Variants in CCDC88C observed in about 807,000 individuals in gnomAD.
The protein encoded by CCDC88C is protein Daple.
Under a neutral mutation model 198.8 loss-of-function variants are expected in CCDC88C, and 131 were observed. That is an observed-to-expected ratio of 0.66 (90% CI 0.57 to 0.76). The LOEUF is 0.76. Among genes scored for constraint, CCDC88C ranks in the 30% least tolerant of loss-of-function variants. The pLI is 0.00. For synonymous variants in CCDC88C, 1,166 were observed against 1,114.7 expected (o/e 1.05, Z -0.92); for missense variants, 2,553 against 2,631.6 (o/e 0.97, Z 0.65).
rs1260270095 is a variant in CCDC88C, at chr14:91,371,471, CCGGTGGCAGGAGTACAGAGGCCGG to C, written c.271-11784_271-11761del. Among the ~76,000 whole-genome samples, 5 of 152,010 alleles carry C rather than the reference CCGGTGGCAGGAGTACAGAGGCCGG, an allele frequency of 3.3e-5. No individual in the cohort carries two copies. The highest frequency in any genetic ancestry group is 7.2e-5 in the African/African-American group (3 of 41,380). On this transcript the variant is annotated intron_variant, in intron 3 of 29. Transcript: ENST00000389857. This position sits in a 1 kb window ranked among gnomAD's most constrained non-coding sequence, Gnocchi z 4.2. ...GTCCAGGCCCAGCCAACCTCACCCG[CCGGTGGCAGGAGTACAGAGGCCGG>C]CGGTGGCAGGAGTACAGCACAGACC...
chr14:91,341,218 G>C (rs1209062940), intron 6 of CCDC88C, among the ~76,000 whole-genome samples: 1 of 152,158 alleles, frequency 6.6e-6, no homozygotes, highest in Non-Finnish European at 1.5e-5. Flanking sequence ...TTGAGAGGCC[G>C]GTTCTAGGCC....
chr14:91,338,810 T>C lies in CCDC88C; in HGVS notation c.810-240A>G. On this transcript the variant is annotated intron_variant, in intron 8 of 29. Coordinates refer to ENST00000389857, the MANE Select transcript of CCDC88C (RefSeq NM_001080414.4). The surrounding 1 kb of genome is among the most constrained non-coding windows in gnomAD (Gnocchi z 4.8). ...CATCCGCCACTCAGGTCTCCCTCCC[T>C]GTGTGTGGGGCAGGTAAGGAGACCC... 1 of 533,434 alleles carries C rather than the reference T, an allele frequency of 1.9e-6. No homozygotes were observed. The allele number at this position is 533,434 out of a possible 1,614,324, so 33.0% of individuals were successfully genotyped here.
rs781444214 is a variant in CCDC88C, at chr14:91,352,785, C to T, written c.340+6857G>A. The stretch of plus-strand genomic sequence containing the variant: ...GCCGACCCTCAGCCTCCACACCACA[C>T]GGTGAGCAGGCATGGAGCCAGGGGC... On this transcript the variant is annotated intron_variant, in intron 4 of 29. Coordinates refer to ENST00000389857, the MANE Select transcript of CCDC88C (RefSeq NM_001080414.4). The surrounding 1 kb of genome is among the most constrained non-coding windows in gnomAD (Gnocchi z 4.2). Among the ~76,000 whole-genome samples, 12 of 152,182 alleles carry T rather than the reference C, an allele frequency of 7.9e-5. No individual in the cohort carries two copies. Among genetic ancestry groups the T allele is most frequent in the Non-Finnish European group, 7.4e-5 (5 of 68,024 alleles).
Position 91,338,526 on chromosome 14 carries a change from T to A in CCDC88C, c.854A>T (p.Asp285Val), listed in dbSNP as rs1893158331. 1 of 1,572,436 alleles carries A rather than the reference T, an allele frequency of 6.4e-7. No homozygotes were observed. Residue 285 changes from aspartate to valine, a missense_variant, in exon 9 of 30, where the codon GAC (aspartate) becomes GTC (valine). Coordinates refer to ENST00000389857, the MANE Select transcript of CCDC88C (RefSeq NM_001080414.4). The surrounding 1 kb of genome is among the most constrained non-coding windows in gnomAD (Gnocchi z 4.8). ...TTTCTGCAGTTCCAGCACCAGCTGG[T>A]CCACCTCATGTCTGGTGTCCACAAG... is the stretch of plus-strand genomic sequence containing the variant. ...EQLVDTRHEVDQLVLELQKVK... is the reference protein window; with the variant it reads ...EQLVDTRHEVVQLVLELQKVK...
chr14:91,317,390 A>G (rs1892147369), intron 13 of CCDC88C, among the ~76,000 whole-genome samples: 1 of 152,174 alleles, frequency 6.6e-6, no homozygotes, highest in Non-Finnish European at 1.5e-5. Flanking sequence ...TGCCAGCTGG[A>G]TGGCTGAGGT....
At chr14:91,315,152 T>C (rs1019511303) in intron 14 of CCDC88C, among the ~76,000 whole-genome samples, 3 of 152,042 alleles carry the variant, frequency 2.0e-5, no homozygotes, top group Non-Finnish European at 4.4e-5. Context: ...ACCTTAGGGA[T>C]GTGCAGCAGC....
At chr14:91,380,372 T>C (rs1817290632) in intron 3 of CCDC88C, among the ~76,000 whole-genome samples, 1 of 152,162 alleles carries the variant, frequency 6.6e-6, no homozygotes, top group Non-Finnish European at 1.5e-5. Context: ...CATCTCTCAA[T>C]AGGTAAATCA....
chr14:91,313,754 C>T lies in CCDC88C; in HGVS notation c.2062G>A (p.Val688Met), dbSNP rs375082540. ...TCCAGGCCCTCAAGCTGCAGGGACA[C>T]GTTCTGCAAGGTGTCCAGAGACTTC... Reference protein sequence around the residue: ...LRKSLDTLQNVSLQLEGLERD... With the variant: ...LRKSLDTLQNMSLQLEGLERD... The change falls in exon 15 of 30, where the codon GTG becomes ATG. Residue 688 changes from valine to methionine, a missense_variant. By Grantham distance (21) the Val-to-Met change is conservative (BLOSUM62 1). Transcript: ENST00000389857. This position sits in a 1 kb window ranked among gnomAD's most constrained non-coding sequence, Gnocchi z 5.2. 287 of 1,608,146 alleles carry T rather than the reference C, an allele frequency of 1.8e-4. No individual in the cohort carries two copies. The highest frequency in any genetic ancestry group is 2.3e-4 in the Non-Finnish European group (270 of 1,179,748).
At chr14:91,292,263 G>T (rs974721344) in intron 23 of CCDC88C, among the ~76,000 whole-genome samples, 1 of 152,194 alleles carries the variant, frequency 6.6e-6, no homozygotes, top group African/African-American at 2.4e-5. Flanking sequence ...CATGGCTGGG[G>T]TTGGCCCCAC....
intron 13 of CCDC88C, among the ~76,000 whole-genome samples, chr14:91,318,090 G>A (rs2139814718): frequency 6.6e-6 from 1 of 152,342 alleles, no homozygotes; most frequent in Non-Finnish European, 1.5e-5. Flanking sequence ...CACTTATGAA[G>A]ACATTTCCCG....
intron 3 of CCDC88C, among the ~76,000 whole-genome samples, chr14:91,404,526 C>T (rs1410929587): frequency 3.3e-5 from 5 of 152,194 alleles, no homozygotes; most frequent in Non-Finnish European, 7.3e-5. Flanking sequence ...AACTTACATG[C>T]AGGCCCAACA....
rs1970911 is a variant in CCDC88C, at chr14:91,307,150, G to A, written c.3083C>T (p.Ala1028Val). Residue 1028 changes from alanine to valine, a missense_variant, in exon 18 of 30, where the codon GCG (alanine) becomes GTG (valine). Ala to Val is a moderately conservative substitution (Grantham distance 64). Coordinates refer to ENST00000389857, the MANE Select transcript of CCDC88C (RefSeq NM_001080414.4). ...CTGGTGACTGGCGGCTGTCTTCCCC[G>A]CAGGGTGCTTGAAAGAGTTCTGCAA... ...QHLQNSFKHP[A>V]GKTAASHQGK... The A allele has an allele frequency of 0.14, 223,612 of 1,613,634 alleles. 16,496 individuals carry two copies. Among genetic ancestry groups the A allele is most frequent in the East Asian group, 0.24 (10,631 of 44,854 alleles).
intron 3 of CCDC88C, among the ~76,000 whole-genome samples, chr14:91,388,667 A>C (rs755102): frequency 0.3 from 46,271 of 152,120 alleles, 7,415 homozygotes; most frequent in East Asian, 0.37. Flanking sequence ...CGCAAAACAG[A>C]GAATGACTTA....
chr14:91,329,328 A>C (rs1892713006), intron 10 of CCDC88C, among the ~76,000 whole-genome samples: 1 of 152,226 alleles, frequency 6.6e-6, no homozygotes. Flanking sequence ...TGGGAACAGA[A>C]GACTTCCCTG....
At chr14:91,380,148 A>G (rs1884701065) in intron 3 of CCDC88C, among the ~76,000 whole-genome samples, 1 of 152,188 alleles carries the variant, frequency 6.6e-6, no homozygotes, top group African/African-American at 2.4e-5. Flanking sequence ...TGTTCAATCA[A>G]TATTTGTCTA....
rs537489306 is a variant in CCDC88C, at chr14:91,341,675, TG to T, written c.483+704del. Among the ~76,000 whole-genome samples the T allele has an allele frequency of 3.0e-3, 457 of 152,288 alleles. 6 individuals carry two copies. The highest frequency in any genetic ancestry group is 0.01 in the African/African-American group (433 of 41,570). ...CACAATGCTTATTTTGGAAGGAGTGTGGAAGTGGAGGTCAGGAAAGTAAATT... is the reference window on the plus strand; with the variant it reads ...CACAATGCTTATTTTGGAAGGAGTGTGAAGTGGAGGTCAGGAAAGTAAATT... On this transcript the variant is annotated intron_variant, in intron 6 of 29. Transcript: ENST00000389857.
rs1175467311 is a variant in CCDC88C, at chr14:91,307,191, C to T, written c.3042G>A (p.Gln1014=). ...KKECETLRQN[Q]GEGQHLQNSF... The stretch of plus-strand genomic sequence containing the variant: ...AGTTCTGCAAGTGCTGCCCCTCTCC[C>T]TGGTTCTGCCTGAGGGTCTCACACT... Residue 1014 remains glutamine, a synonymous_variant, in exon 18 of 30, where the codon CAG becomes CAA. Coordinates refer to ENST00000389857, the MANE Select transcript of CCDC88C (RefSeq NM_001080414.4). 1.2e-6 allele frequency: 2 copies of T among 1,613,852 alleles called. No individual in the cohort carries two copies. Among genetic ancestry groups the T allele is most frequent in the East Asian group, 2.2e-5 (1 of 44,886 alleles).
rs770135213 is a variant in CCDC88C at position 91,338,012 on chromosome 14, C to A, written c.1043G>T (p.Arg348Leu). 5.6e-6 allele frequency: 9 copies of A among 1,611,336 alleles called. No homozygotes were observed. The highest frequency in any genetic ancestry group is 1.3e-5 in the African/African-American group (1 of 75,060). ...KLHDVDFYKA[R>L]MEELREDNII... ...CACAGCAAGGCTCCCTACCTCCATG[C>A]GGGCCTTGTAGAAGTCCACGTCGTG... The change falls in exon 10 of 30, where the codon CGC (arginine) becomes CTC (leucine). Residue 348 changes from arginine to leucine, a missense_variant. Around this residue, in one of 2 missense-constraint regions of CCDC88C, gnomAD observed 1,260 missense variants for 1,412.0 expected, o/e 0.89. Coordinates refer to ENST00000389857, the MANE Select transcript of CCDC88C (RefSeq NM_001080414.4). The surrounding 1 kb of genome is among the most constrained non-coding windows in gnomAD (Gnocchi z 4.8).
chr14:91,293,953 GCCT>G (rs1361303795), intron 23 of CCDC88C, among the ~76,000 whole-genome samples: 3 of 152,196 alleles, frequency 2.0e-5, no homozygotes, highest in Non-Finnish European at 4.4e-5. Context: ...GGTGGAAAGC[GCCT>G]CTGAAAGAGC....
Sources: gnomAD v4.1 joint callset for allele counts (sites outside exome capture counted in the v4.1 genomes callset) on GRCh38, gnomAD v4.1.1 for gene constraint, gnomAD v4.1.1 regional missense constraint, Gnocchi (gnomAD v3.1) non-coding constraint, MANE v1.5 for transcripts, NCBI Gene and HGNC (gene_info 2026-07-23, HGNC 2026-07-21) for gene names.